STK39: variants seen among roughly 807,000 people sequenced by gnomAD.
STK39 encodes serine/threonine kinase 39.
Under a neutral mutation model 77.8 loss-of-function variants are expected in STK39, and 20 were observed. That is an observed-to-expected ratio of 0.26 (90% CI 0.18 to 0.37). STK39 has a LOEUF of 0.37. STK39 is among the 10% of genes least tolerant of loss of function. The probability of loss-of-function intolerance (pLI) is 1.00; values close to 1 mark genes in which losing one functional copy is unlikely to be tolerated. For missense variants in STK39, 479 were observed against 656.5 expected, an observed-to-expected ratio of 0.73 and a Z score of 2.95; for synonymous variants, 246 against 234.1, an observed-to-expected ratio of 1.05 and a Z score of -0.47.
chr2:168,111,756 C>T (rs372404828), intron 10 of STK39, among the ~76,000 whole-genome samples: 4 of 152,274 alleles, frequency 2.6e-5, no homozygotes, highest in Admixed American at 6.5e-5. Context: ...TTTTCAATTC[C>T]TCTGTACTTC....
intron 10 of STK39, among the ~76,000 whole-genome samples, chr2:168,108,305 C>T (rs984769545): frequency 6.6e-6 from 1 of 152,036 alleles, no homozygotes; most frequent in African/African-American, 2.4e-5. Context: ...GCCTGTAATC[C>T]CAGCACTTGG....
chr2:168,097,870 T>A (rs1686713212), intron 10 of STK39, among the ~76,000 whole-genome samples: 1 of 152,210 alleles, frequency 6.6e-6, no homozygotes, highest in African/African-American at 2.4e-5. Flanking sequence ...TTAAAGGAAC[T>A]AAAAGGTAAA....
intron 14 of STK39, among the ~76,000 whole-genome samples, chr2:168,028,497 A>G (rs1274680279): frequency 6.6e-6 from 1 of 152,146 alleles, no homozygotes; most frequent in African/African-American, 2.4e-5. Flanking sequence ...ACTTATTTTC[A>G]CTTATGGGGC....
At chr2:168,130,635 A>C (rs1687671801) in intron 8 of STK39, among the ~76,000 whole-genome samples, 1 of 152,224 alleles carries the variant, frequency 6.6e-6, no homozygotes, top group Admixed American at 6.5e-5. Flanking sequence ...CATTTTATGA[A>C]TATCCTGTTC....
chr2:168,099,538 T>C (rs1218731807), intron 10 of STK39, among the ~76,000 whole-genome samples: 1 of 152,212 alleles, frequency 6.6e-6, no homozygotes, highest in East Asian at 1.9e-4. Context: ...AATTTTACCA[T>C]AGTATTTGTC....
intron 10 of STK39, among the ~76,000 whole-genome samples, chr2:168,092,830 G>A (rs917116670): frequency 6.6e-6 from 1 of 152,100 alleles, no homozygotes; most frequent in Non-Finnish European, 1.5e-5. Flanking sequence ...AAAAGCAGAA[G>A]GGCAAAAGGC....
chr2:167,979,636 T>G (rs1476752113), intron 16 of STK39, among the ~76,000 whole-genome samples: 3 of 152,198 alleles, frequency 2.0e-5, no homozygotes, highest in Non-Finnish European at 2.9e-5. Context: ...TCAGGCATTC[T>G]TGCAGGTCAT....
At chr2:168,224,019 T>C (rs941960078) in intron 1 of STK39, among the ~76,000 whole-genome samples, 2 of 152,098 alleles carry the variant, frequency 1.3e-5, no homozygotes, top group African/African-American at 4.8e-5. Context: ...ATGTATTACT[T>C]TACACACATA....
chr2:167,956,719 CTCTCTCTCT>C (rs1691789231), intron 17 of STK39, among the ~76,000 whole-genome samples: 1 of 72,224 alleles, frequency 1.4e-5, no homozygotes, highest in Admixed American at 1.2e-4. Context: ...CTCTCTCTCT[CTCTCTCTCT>C]CCCCCCCCGC....
chr2:168,228,715 G>C (rs373335552), intron 1 of STK39, among the ~76,000 whole-genome samples: 1 of 152,128 alleles, frequency 6.6e-6, no homozygotes, highest in African/African-American at 2.4e-5. Flanking sequence ...ACTTGAACCA[G>C]GAGGCAGAGG....
At chr2:168,030,825 G>A (rs1684815557) in intron 14 of STK39, among the ~76,000 whole-genome samples, 1 of 152,176 alleles carries the variant, frequency 6.6e-6, no homozygotes, top group Admixed American at 6.5e-5. Flanking sequence ...TTCAGCAAAT[G>A]ATTATTTATA....
At chr2:168,088,913 C>A (rs545585884) in intron 10 of STK39, among the ~76,000 whole-genome samples, 1 of 152,246 alleles carries the variant, frequency 6.6e-6, no homozygotes, top group Admixed American at 6.5e-5. Flanking sequence ...CAAAAATCAC[C>A]CTTATTACTT....
intron 2 of STK39, among the ~76,000 whole-genome samples, chr2:168,175,772 T>C (rs1688941946): frequency 6.6e-6 from 1 of 152,132 alleles, no homozygotes; most frequent in African/African-American, 2.4e-5. Flanking sequence ...CCAAATTACG[T>C]GAAAATAGTT....
chr2:168,246,704 G>A (rs914034078), intron 1 of STK39, among the ~76,000 whole-genome samples: 2 of 152,156 alleles, frequency 1.3e-5, no homozygotes, highest in Non-Finnish European at 2.9e-5. Context: ...GGGCCTCCGC[G>A]GCTTCTACGT....
chr2:168,069,871 T>TA (rs986915983), intron 12 of STK39, among the ~76,000 whole-genome samples: 81 of 152,266 alleles, frequency 5.3e-4, no homozygotes, highest in African/African-American at 1.9e-3. Flanking sequence ...GATGCTACTA[T>TA]AAAAAAGAGT....
chr2:168,240,796 C>G (rs1334076441), intron 1 of STK39, among the ~76,000 whole-genome samples: 1 of 151,824 alleles, frequency 6.6e-6, no homozygotes, highest in East Asian at 1.9e-4. Flanking sequence ...AAGCTTCAGA[C>G]AGACAGAGAT....
chr2:168,073,727 C>T (rs1184234750), intron 12 of STK39, among the ~76,000 whole-genome samples: 4 of 152,206 alleles, frequency 2.6e-5, no homozygotes, highest in African/African-American at 2.4e-5. Flanking sequence ...TTCCCGGGTT[C>T]GAGCAATTCT....
chr2:168,073,887 G>T (rs539934349), intron 12 of STK39, among the ~76,000 whole-genome samples: 2 of 152,164 alleles, frequency 1.3e-5, no homozygotes, highest in South Asian at 4.2e-4. Context: ...AAAAGCGCTG[G>T]GATTACAGGA....
chr2:168,188,269 G>A (rs1014502513), intron 1 of STK39, among the ~76,000 whole-genome samples: 7 of 152,190 alleles, frequency 4.6e-5, no homozygotes, highest in Non-Finnish European at 1.0e-4. Context: ...GGACTTGGAT[G>A]AATGGACACA....
Sources: allele counts gnomAD v4.1 joint callset (sites outside exome capture counted in the v4.1 genomes callset), GRCh38; gene constraint gnomAD v4.1.1; transcripts MANE v1.5; gene names NCBI Gene and HGNC (gene_info 2026-07-23, HGNC 2026-07-21).